Variants in ARHGEF38 observed in about 807,000 individuals in gnomAD.
ARHGEF38 encodes Rho guanine nucleotide exchange factor (GEF) 38.
A neutral mutation model predicts 79.9 loss-of-function variants in ARHGEF38; 79 were observed. The observed-to-expected ratio is 0.99, with a 90% CI of 0.82 to 1.19. The LOEUF (loss-of-function observed/expected upper bound fraction) is 1.19, where lower values mean the gene tolerates loss of function less well. ARHGEF38 is among the 50% of genes most tolerant of loss of function. ARHGEF38 has a pLI of 0.00. For missense variants in ARHGEF38, 962 were observed against 907.2 expected, an observed-to-expected ratio of 1.06 and a Z score of -0.78; for synonymous variants, 366 against 328.3, an observed-to-expected ratio of 1.11 and a Z score of -1.24.
chr4:105,576,572 AAG>A (rs1042490548), intron 1 of ARHGEF38, among the ~76,000 whole-genome samples: 2 of 152,076 alleles, frequency 1.3e-5, no homozygotes, highest in African/African-American at 4.8e-5. Flanking sequence ...GAGTCTTTTG[AAG>A]GAAAATTTAG....
chr4:105,606,625 G>C (rs956042372), intron 2 of ARHGEF38, among the ~76,000 whole-genome samples: 1 of 152,036 alleles, frequency 6.6e-6, no homozygotes, highest in Non-Finnish European at 1.5e-5. Context: ...ATAATGAAAA[G>C]CGTGATCTAT....
chr4:105,603,433 TC>T (rs1176026717), intron 2 of ARHGEF38, among the ~76,000 whole-genome samples: 2 of 152,098 alleles, frequency 1.3e-5, no homozygotes, highest in Non-Finnish European at 1.5e-5. Context: ...ACTGGTACCA[TC>T]ATAGACTAGC....
At chr4:105,607,017 C>T (rs1209129262) in intron 2 of ARHGEF38, among the ~76,000 whole-genome samples, 1 of 152,068 alleles carries the variant, frequency 6.6e-6, no homozygotes, top group African/African-American at 2.4e-5. Context: ...GACTTCTTTA[C>T]AGTGTTACTT....
chr4:105,596,427 G>A (rs1727582949), intron 2 of ARHGEF38, among the ~76,000 whole-genome samples: 2 of 152,264 alleles, frequency 1.3e-5, no homozygotes, highest in East Asian at 3.9e-4. Flanking sequence ...AGAGAAGGCT[G>A]CGTGTGAGGA....
At chr4:105,673,637 A>G (rs1363678639) in intron 13 of ARHGEF38, among the ~76,000 whole-genome samples, 4 of 152,274 alleles carry the variant, frequency 2.6e-5, no homozygotes, top group South Asian at 2.1e-4. Flanking sequence ...TATGTATACT[A>G]TAAGTCCATT....
rs145953652 is a variant in ARHGEF38, at chr4:105,589,295, C to T, written c.244C>T (p.Pro82Ser). ...GECSVAETLTPEEEHHMKRMM... is the reference protein window; with the variant it reads ...GECSVAETLTSEEEHHMKRMM... ...GTGTTCTGTAGCTGAGACCTTAACC[C>T]CAGAGGAAGAGCATCATATGAAGAG... The change falls in exon 2 of 14, where the codon CCA (proline) becomes TCA (serine). Residue 82 changes from proline (P) to serine (S), a missense_variant. Physicochemically the swap from Pro to Ser is moderately conservative, Grantham distance 74. Transcript: ENST00000420470. 4 of 1,613,938 alleles carry T rather than the reference C, an allele frequency of 2.5e-6. No homozygotes were observed. The highest frequency in any genetic ancestry group is 3.4e-6 in the Non-Finnish European group (4 of 1,179,972).
At chr4:105,582,331 T>A (rs1329315295) in intron 1 of ARHGEF38, among the ~76,000 whole-genome samples, 1 of 151,414 alleles carries the variant, frequency 6.6e-6, no homozygotes, top group Non-Finnish European at 1.5e-5. Context: ...TAGTTAAGAG[T>A]CAAATCATTT....
intron 6 of ARHGEF38, among the ~76,000 whole-genome samples, chr4:105,647,468 T>C (rs562893331): frequency 6.6e-6 from 1 of 152,330 alleles, no homozygotes; most frequent in South Asian, 2.1e-4. Flanking sequence ...AAACTATTTC[T>C]CTAAGGATAA....
intron 3 of ARHGEF38, among the ~76,000 whole-genome samples, chr4:105,624,518 T>C (rs904448015): frequency 6.6e-6 from 1 of 152,104 alleles, no homozygotes; most frequent in Non-Finnish European, 1.5e-5. Context: ...CTAGCCAGGG[T>C]CTCTTGGGTA....
At chr4:105,565,853 C>T (rs1725861812) in intron 1 of ARHGEF38, among the ~76,000 whole-genome samples, 1 of 152,118 alleles carries the variant, frequency 6.6e-6, no homozygotes, top group African/African-American at 2.4e-5. Flanking sequence ...TTGACTTCTC[C>T]TTTACCCTCT....
chr4:105,672,566 T>C (rs1730990908), intron 13 of ARHGEF38, among the ~76,000 whole-genome samples: 1 of 152,236 alleles, frequency 6.6e-6, no homozygotes, highest in African/African-American at 2.4e-5. Context: ...GTCCATCAAA[T>C]AGTAATGGCA....
At chr4:105,643,987 C>T (rs955991237) in intron 5 of ARHGEF38, among the ~76,000 whole-genome samples, 4 of 151,234 alleles carry the variant, frequency 2.6e-5, no homozygotes, top group Non-Finnish European at 5.9e-5. Flanking sequence ...CCACCTCAGC[C>T]TCCCAAGTAT....
Position 105,659,630 on chromosome 4 carries a change from C to T in ARHGEF38, c.1545+265C>T, listed in dbSNP as rs141720148. Among the ~76,000 whole-genome samples the T allele has an allele frequency of 3.0e-3, 458 of 152,288 alleles. 3 individuals carry two copies. The highest frequency in any genetic ancestry group is 3.9e-3 in the Non-Finnish European group (267 of 68,028). The stretch of plus-strand genomic sequence containing the variant: ...GAGATGCCTTTTCAAATACCAAACA[C>T]CTTTCAGCCTTGCTCCACCTGCCTG... On this transcript the variant is annotated intron_variant, in intron 10 of 13. Transcript: ENST00000420470.
chr4:105,611,568 A>C (rs1728294743), intron 2 of ARHGEF38, among the ~76,000 whole-genome samples: 1 of 152,056 alleles, frequency 6.6e-6, no homozygotes, highest in Non-Finnish European at 1.5e-5. Flanking sequence ...TAAATTATTA[A>C]ATAATAACAA....
chr4:105,672,680 A>G (rs1320322043), intron 13 of ARHGEF38, among the ~76,000 whole-genome samples: 1 of 152,182 alleles, frequency 6.6e-6, no homozygotes, highest in Non-Finnish European at 1.5e-5. Flanking sequence ...GAGTCCAAGC[A>G]CGGTTTAGCT....
chr4:105,576,026 A>G (rs1726480282), intron 1 of ARHGEF38, among the ~76,000 whole-genome samples: 2 of 152,156 alleles, frequency 1.3e-5, no homozygotes, highest in South Asian at 4.1e-4. Context: ...TTTTGAAAGT[A>G]CCATGTTGTT....
In ARHGEF38 at chr4:105,665,953, C is replaced by T. The variant is rs546670748; in HGVS notation, c.1546-224C>T. Among the ~76,000 whole-genome samples, 24 of 152,132 alleles carry T rather than the reference C, an allele frequency of 1.6e-4. No homozygotes were observed. The South Asian group carries it at 3.1e-3, about 20-fold the overall frequency. The stretch of plus-strand genomic sequence containing the variant: ...TCATTGCTATTTTTTCTCTTCTGTT[C>T]TTTCATTTGGCTTGAAACTTAAAAA... On this transcript the variant is annotated intron_variant, in intron 10 of 13. Transcript: ENST00000420470.
chr4:105,681,576 A>G (rs763753612), downstream of ARHGEF38, among the ~76,000 whole-genome samples: 14 of 152,168 alleles, frequency 9.2e-5, no homozygotes, highest in Non-Finnish European at 1.3e-4. Flanking sequence ...ATATACATGT[A>G]CAACAATTGC....
intron 9 of ARHGEF38, among the ~76,000 whole-genome samples, chr4:105,657,844 A>G (rs949977466): frequency 3.3e-5 from 5 of 152,178 alleles, no homozygotes; most frequent in African/African-American, 1.2e-4. Flanking sequence ...CCAACTTACC[A>G]GGGGCCATTT....
Sources: gnomAD v4.1 joint callset for allele counts (sites outside exome capture counted in the v4.1 genomes callset) on GRCh38, gnomAD v4.1.1 for gene constraint, MANE v1.5 for transcripts, NCBI Gene and HGNC (gene_info 2026-07-23, HGNC 2026-07-21) for gene names.